The following PDE12 variants were observed in gnomAD, a reference collection of about 807,000 sequenced individuals.
PDE12 encodes the protein phosphodiesterase 12.
PDE12 carries 26 observed loss-of-function variants against 45.4 expected under a neutral mutation model. The observed-to-expected ratio is 0.57, with a 90% CI of 0.42 to 0.79. The LOEUF (loss-of-function observed/expected upper bound fraction) is 0.79. Among genes scored for constraint, PDE12 ranks in the 30% least tolerant of loss-of-function variants. The pLI is 0.00. For synonymous variants in PDE12, 283 were observed against 323.9 expected, an observed-to-expected ratio of 0.87 and a Z score of 1.36; for missense variants, 668 against 790.0, an observed-to-expected ratio of 0.85 and a Z score of 1.85.
the PDE12 span, among the ~76,000 whole-genome samples, chr3:57,607,883 AG>A: frequency 6.6e-6 from 1 of 152,200 alleles, no homozygotes; most frequent in Non-Finnish European, 1.5e-5. Context: ...GGAAATACAC[AG>A]AACGCCACAA....
the PDE12 span, among the ~76,000 whole-genome samples, chr3:57,654,145 C>T: frequency 1.2e-4 from 18 of 149,870 alleles, no homozygotes; most frequent in Non-Finnish European, 2.4e-4. Context: ...TTAGTAGAGA[C>T]GGGGTTTCAC....
Position 57,564,028 on chromosome 3 carries a change from A to G in PDE12, c.*4024A>G, listed in dbSNP as rs919714662. 1.3e-5 allele frequency: 2 copies of G among 152,242 alleles called. No individual in the cohort carries two copies. Among genetic ancestry groups the G allele is most frequent in the Admixed American group, 6.5e-5 (1 of 15,288 alleles). 9.4% of individuals were successfully genotyped at this position (152,242 alleles called of 1,614,324 possible). ...TAAATGTTAAAAATACTAGAGCTGT[A>G]TTAACTTCGTGATTTTATTTTTCTT... On this transcript the variant is annotated 3_prime_UTR_variant, in exon 3 of 3. Coordinates refer to ENST00000311180, the MANE Select transcript of PDE12 (RefSeq NM_177966.7).
chr3:57,629,022 T>C, the PDE12 span: 7 of 611,344 alleles, frequency 1.1e-5, no homozygotes, highest in Non-Finnish European at 1.9e-5. Flanking sequence ...TATAGCATTA[T>C]AGTGCAAGAA....
In PDE12 at chr3:57,557,212, C is replaced by G; in HGVS notation, c.833C>G (p.Thr278Ser). The change falls in exon 1 of 3, where the codon ACT (threonine) becomes AGT (serine). Residue 278 changes from threonine (T) to serine (S), a missense_variant. By Grantham distance (58) the Thr-to-Ser change is moderately conservative. Coordinates refer to ENST00000311180, the MANE Select transcript of PDE12 (RefSeq NM_177966.7). Reference protein sequence around the residue: ...CVVEAGPGTCTFDHRHLYTKK... With the variant: ...CVVEAGPGTCSFDHRHLYTKK... ...GTAGAGGCTGGGCCTGGCACCTGCA[C>G]TTTTGACCACCGGCATCTCTACACG... is the stretch of plus-strand genomic sequence containing the variant. 1 of 1,604,240 alleles carries G rather than the reference C, an allele frequency of 6.2e-7. No homozygotes were observed. Among genetic ancestry groups the G allele is most frequent in the Non-Finnish European group, 8.5e-7 (1 of 1,175,960 alleles).
the PDE12 span, among the ~76,000 whole-genome samples, chr3:57,586,392 G>A: frequency 2.0e-5 from 3 of 152,190 alleles, no homozygotes; most frequent in South Asian, 6.2e-4. Context: ...TCCTATGCAA[G>A]TAAGTCTATC....
At position 57,559,310 on chromosome 3, in the gene PDE12, GT is replaced by G; in HGVS notation, c.1312del (p.Ser438GlnfsTer36). Reference sequence around the variant, plus strand: ...TCTTGGCACTTTCCGTTTATTTTAGGTTTCAGTTCTTCAGTCTACAAAGGAC... The same window carrying G: ...TCTTGGCACTTTCCGTTTATTTTAGGTTCAGTTCTTCAGTCTACAAAGGAC... The part of the protein sequence containing the change: ...KVLQRSSVLQ[V>X]SVLQSTKDSS... On this transcript the variant is annotated frameshift_variant and splice_region_variant, in exon 2 of 3. Transcript: ENST00000311180. LOFTEE classifies it high-confidence loss of function. 1 of 1,601,562 alleles carries G rather than the reference GT, an allele frequency of 6.2e-7. No homozygotes were observed. Among genetic ancestry groups the G allele is most frequent in the Non-Finnish European group, 8.5e-7 (1 of 1,172,670 alleles).
At chr3:57,592,352 T>A in the PDE12 span, among the ~76,000 whole-genome samples, 1 of 151,872 alleles carries the variant, frequency 6.6e-6, no homozygotes, top group Middle Eastern at 3.2e-3. Context: ...CCGGGCATGG[T>A]GGGAGGGGGC....
chr3:57,575,270 A>G, the PDE12 span, among the ~76,000 whole-genome samples: 1 of 150,958 alleles, frequency 6.6e-6, no homozygotes, highest in African/African-American at 2.4e-5. Flanking sequence ...TAAGACTATC[A>G]ATAATCTTCT....
chr3:57,641,405 A>AT, the PDE12 span, among the ~76,000 whole-genome samples: 1 of 147,098 alleles, frequency 6.8e-6, no homozygotes, highest in African/African-American at 2.5e-5. Flanking sequence ...CTATAATTCT[A>AT]TAAGTGTTAT....
At chr3:57,610,750 G>A in the PDE12 span, among the ~76,000 whole-genome samples, 1 of 152,108 alleles carries the variant, frequency 6.6e-6, no homozygotes, top group South Asian at 2.1e-4. Context: ...ACAAACAAAT[G>A]GAAGAACATT....
chr3:57,609,066 G>T, the PDE12 span, among the ~76,000 whole-genome samples: 26,286 of 152,054 alleles, frequency 0.17, 2,798 homozygotes, highest in East Asian at 0.48. Flanking sequence ...AAACTAGAAC[G>T]CAGGATTAAG....
the PDE12 span, among the ~76,000 whole-genome samples, chr3:57,614,074 T>C: frequency 6.6e-6 from 1 of 152,128 alleles, no homozygotes; most frequent in African/African-American, 2.4e-5. Context: ...ACAATTATTA[T>C]AGTCAAGAGA....
At chr3:57,613,389 G>C in the PDE12 span, among the ~76,000 whole-genome samples, 1 of 151,038 alleles carries the variant, frequency 6.6e-6, no homozygotes, top group African/African-American at 2.4e-5. Context: ...TGCTGCCCGG[G>C]TTCAGGTGAT....
At chr3:57,578,398 A>T in the PDE12 span, among the ~76,000 whole-genome samples, 1 of 151,920 alleles carries the variant, frequency 6.6e-6, no homozygotes, top group African/African-American at 2.4e-5. Flanking sequence ...CTTAAAAAAA[A>T]AAAGAAAGAA....
At chr3:57,641,673 A>G in the PDE12 span, 3 of 1,612,484 alleles carry the variant, frequency 1.9e-6, no homozygotes, top group South Asian at 3.3e-5. Flanking sequence ...AAGGTCTCCT[A>G]TTCGAATAAT....
chr3:57,600,988 T>C, the PDE12 span: 2 of 152,236 alleles, frequency 1.3e-5, no homozygotes, highest in Non-Finnish European at 2.9e-5. Flanking sequence ...CTATAGTTTA[T>C]TGATCACTTG....
At position 57,561,932 on chromosome 3, in the gene PDE12, A is replaced by G. The variant is rs373073636; in HGVS notation, c.*1928A>G. On this transcript the variant is annotated 3_prime_UTR_variant, in exon 3 of 3. Transcript: ENST00000311180. Reference sequence around the variant, plus strand: ...CTTCGGATCTTGTTTAGAAAAAACTATAAATAAAAAATTGATGCTACCAAA... The same window carrying G: ...CTTCGGATCTTGTTTAGAAAAAACTGTAAATAAAAAATTGATGCTACCAAA... The G allele has an allele frequency of 1.5e-5, 15 of 984,528 alleles. No homozygotes were observed. The African/African-American group carries it at 2.4e-4, about 16-fold the overall frequency. 61.0% of individuals were successfully genotyped at this position (984,528 alleles called of 1,614,324 possible).
the PDE12 span, among the ~76,000 whole-genome samples, chr3:57,617,317 T>C: frequency 6.6e-6 from 1 of 151,400 alleles, no homozygotes; most frequent in Non-Finnish European, 1.5e-5. Flanking sequence ...GGCTAGAGGA[T>C]TGCTTAAGCC....
In PDE12 at chr3:57,565,880, A is replaced by G. The variant is rs951644965; in HGVS notation, c.*5876A>G. The G allele has an allele frequency of 1.3e-5, 2 of 152,206 alleles. No individual in the cohort carries two copies. Among genetic ancestry groups the G allele is most frequent in the Admixed American group, 1.3e-4 (2 of 15,270 alleles). 9.4% of individuals were successfully genotyped at this position (152,206 alleles called of 1,614,324 possible). A position where few individuals can be genotyped will look rare whatever the true frequency, so the allele number is the denominator to read the frequency against. On this transcript the variant is annotated 3_prime_UTR_variant, in exon 3 of 3. Transcript: ENST00000311180. ...ATATCCCCTGTGGAATAGTTTGGAG[A>G]AATGGTACATCCAAAGATAAAATCA...
Sources: gnomAD v4.1 joint callset for allele counts (sites outside exome capture counted in the v4.1 genomes callset) on GRCh38, gnomAD v4.1.1 for gene constraint, MANE v1.5 for transcripts, NCBI Gene and HGNC (gene_info 2026-07-23, HGNC 2026-07-21) for gene names.